MATR3: variants seen among roughly 807,000 people sequenced by gnomAD.
MATR3 encodes matrin-3.
Under a neutral mutation model 85.5 loss-of-function variants are expected in MATR3, and 4 were observed. The observed-to-expected ratio is 0.05, with a 90% CI of 0.02 to 0.11. The LOEUF (loss-of-function observed/expected upper bound fraction) is 0.11. Among genes scored for constraint, MATR3 ranks in the 10% least tolerant of loss-of-function variants. The pLI is 1.00. For synonymous variants in MATR3, 336 were observed against 343.1 expected, an observed-to-expected ratio of 0.98 and a Z score of 0.23; for missense variants, 685 against 1,016.1, an observed-to-expected ratio of 0.67 and a Z score of 4.43.
chr5:139,278,458 C>T (rs951462800), intron 2 of MATR3: 4 of 434,072 alleles, frequency 9.2e-6, no homozygotes, highest in Non-Finnish European at 1.9e-5. Flanking sequence ...TGTGCCAGGC[C>T]TGTGGGCTAG....
At chr5:139,323,965 A>G (rs1385449137) in intron 12 of MATR3, among the ~76,000 whole-genome samples, 1 of 152,000 alleles carries the variant, frequency 6.6e-6, no homozygotes. Flanking sequence ...TTTATGCAAC[A>G]TTCAACTCAA....
chr5:139,312,450 C>G (rs913029233), intron 2 of MATR3: 1 of 152,176 alleles, frequency 6.6e-6, no homozygotes, highest in Non-Finnish European at 1.5e-5. Context: ...CCATTACTTT[C>G]CAGTTGAAAC....
At chr5:139,304,710 C>T (rs1270677408) in intron 1 of MATR3, among the ~76,000 whole-genome samples, 1 of 152,074 alleles carries the variant, frequency 6.6e-6, no homozygotes, top group Non-Finnish European at 1.5e-5. Flanking sequence ...CCCAAAGCTA[C>T]TATATTTAAA....
At position 139,329,377 on chromosome 5, in the gene MATR3, A is replaced by G. The variant is rs374252881; in HGVS notation, c.2526A>G (p.Arg842=). 6.2e-7 allele frequency: 1 copy of G among 1,612,300 alleles called. No homozygotes were observed. The highest frequency in any genetic ancestry group is 8.5e-7 in the Non-Finnish European group (1 of 1,178,694). The change falls in exon 15 of 15, where the codon AGA becomes AGG. Residue 842 remains arginine, a synonymous_variant. Coordinates refer to ENST00000394805, the MANE Select transcript of MATR3 (RefSeq NM_018834.6). ...TGAATAAATTGGCAGAAGAACGCAG[A>G]CAGAAGAAGGAAACTTAAGATGTGC... ...KFLNKLAEER[R]QKKET is the part of the protein sequence containing the mutation.
At chr5:139,297,561 C>T (rs2151931690) in intron 1 of MATR3, among the ~76,000 whole-genome samples, 1 of 152,230 alleles carries the variant, frequency 6.6e-6, no homozygotes, top group South Asian at 2.1e-4. Flanking sequence ...TAACGCATTT[C>T]TATTATAATC....
chr5:139,278,850 ACT>A (rs757002054), intron 2 of MATR3: 2 of 517,106 alleles, frequency 3.9e-6, no homozygotes, highest in Non-Finnish European at 7.7e-6. Flanking sequence ...AAGAGCAAAC[ACT>A]GTCTTTATTG....
rs1756121716 is a variant in MATR3, at chr5:139,331,061, G to A, written c.*1666G>A. On this transcript the variant is annotated 3_prime_UTR_variant, in exon 15 of 15. Transcript: ENST00000394805. ...TCGCTTCAGCCTCCCAAAGTGCTGG[G>A]ACTGTAGGCATGAGCCACCATCCCT... The A allele has an allele frequency of 2.2e-6, 1 of 453,918 alleles. No homozygotes were observed. Among genetic ancestry groups the A allele is most frequent in the Non-Finnish European group, 4.4e-6 (1 of 226,782 alleles). The allele number at this position is 453,918 out of a possible 1,614,324, so 28.1% of individuals were successfully genotyped here. A position where few individuals can be genotyped will look rare whatever the true frequency, so the allele number is the denominator to read the frequency against.
In MATR3 at chr5:139,314,652, TCTA is replaced by T. The variant is rs1344719860; in HGVS notation, c.913-19_913-17del. The T allele has an allele frequency of 1.9e-6, 3 of 1,564,220 alleles. No homozygotes were observed. Among genetic ancestry groups the T allele is most frequent in the Middle Eastern group, 1.7e-4 (1 of 5,782 alleles). ...ATATTTCAGCTTTATTTTTGTTAAT[TCTA>T]CTAATTTACTTTGCTGCAGGAGTGG... On this transcript the variant is annotated intron_variant, in intron 2 of 14. Coordinates refer to ENST00000394805, the MANE Select transcript of MATR3 (RefSeq NM_018834.6).
upstream of MATR3, chr5:139,293,248 T>G (rs1465415312): frequency 2.0e-5 from 3 of 152,120 alleles, no homozygotes; most frequent in African/African-American, 7.2e-5. Flanking sequence ...CAACACAGTT[T>G]ATTTATGATA....
intron 2 of MATR3, among the ~76,000 whole-genome samples, chr5:139,309,269 C>T (rs1207154208): frequency 6.6e-6 from 1 of 152,104 alleles, no homozygotes; most frequent in Non-Finnish European, 1.5e-5. Flanking sequence ...GTTATAGCAC[C>T]CCACTAGCTT....
intron 10 of MATR3, 91 bp from the exon 11 acceptor site, chr5:139,322,372 T>C: frequency 8.3e-7 from 1 of 1,198,706 alleles, no homozygotes; most frequent in Non-Finnish European, 1.2e-6. Flanking sequence ...ATAAGCTGAG[T>C]TGATTATAGG....
chr5:139,327,449 T>G (rs1755911555), intron 14 of MATR3, among the ~76,000 whole-genome samples: 1 of 152,208 alleles, frequency 6.6e-6, no homozygotes, highest in Non-Finnish European at 1.5e-5. Context: ...TGAGACAGTT[T>G]TGCTCTTGTT....
At chr5:139,329,311 G>A (rs978842924) in intron 14 of MATR3, 34 bp from the exon 15 acceptor site, 19 of 1,508,638 alleles carry the variant, frequency 1.3e-5, no homozygotes, top group Non-Finnish European at 1.7e-5. Flanking sequence ...TTTCTCTTAG[G>A]TGACTTAATG....
chr5:139,325,216 A>C (rs1368115814), intron 12 of MATR3: 3 of 1,517,348 alleles, frequency 2.0e-6, no homozygotes, highest in Non-Finnish European at 2.6e-6. Flanking sequence ...CAAAGACGCT[A>C]TCCGTTTCCC....
In MATR3 at chr5:139,325,444, A is replaced by G. The variant is rs1755803192; in HGVS notation, c.2153A>G (p.Asp718Gly). The G allele has an allele frequency of 6.2e-7, 1 of 1,614,086 alleles. No individual in the cohort carries two copies. Among genetic ancestry groups the G allele is most frequent in the African/African-American group, 1.3e-5 (1 of 74,934 alleles). Residue 718 changes from aspartate (D) to glycine (G), a missense_variant, in exon 13 of 15, where the codon GAC (aspartate) becomes GGC (glycine). Asp to Gly is a moderately conservative substitution (Grantham distance 94). Around this residue, in one of 9 missense-constraint regions of MATR3, gnomAD observed 215 missense variants for 194.7 expected, o/e 1.10. Coordinates refer to ENST00000394805, the MANE Select transcript of MATR3 (RefSeq NM_018834.6). ...AAAKKKLKKV[D>G]KIEELDQENE... The stretch of plus-strand genomic sequence containing the variant: ...GATGGTTTGGTTGAAATTAAGGTGG[A>G]CAAGATCGAGGAACTTGATCAAGAA...
In MATR3 at chr5:139,307,449, A is replaced by T. The variant is rs1225210112; in HGVS notation, c.34A>T (p.Arg12Trp). Reference protein sequence around the residue: ...SKSFQQSSLSRDSQGHGRDLS... With the variant: ...SKSFQQSSLSWDSQGHGRDLS... ...GTCATTCCAGCAGTCATCTCTCAGTAGGGACTCACAGGGTCATGGGCGTGA... is the reference window on the plus strand; with the variant it reads ...GTCATTCCAGCAGTCATCTCTCAGTTGGGACTCACAGGGTCATGGGCGTGA... The change falls in exon 2 of 15, where the codon AGG becomes TGG. Residue 12 changes from arginine (R) to tryptophan (W), a missense_variant. Arg to Trp is a moderately radical substitution (Grantham distance 101). This residue lies in a region of MATR3 where 30 missense variants were observed against 69.5 expected (regional missense o/e 0.43). Transcript: ENST00000394805. This position sits in a 1 kb window ranked among gnomAD's most constrained non-coding sequence, Gnocchi z 4.4. 6.2e-7 allele frequency: 1 copy of T among 1,613,952 alleles called. No homozygotes were observed. Among genetic ancestry groups the T allele is most frequent in the East Asian group, 2.2e-5 (1 of 44,896 alleles).
intron 1 of MATR3, among the ~76,000 whole-genome samples, chr5:139,303,176 A>G (rs1227409204): frequency 6.6e-6 from 1 of 152,094 alleles, no homozygotes; most frequent in African/African-American, 2.4e-5. Flanking sequence ...ATCTCGGCTC[A>G]GTGCAGCCTC....
At chr5:139,299,604 G>T (rs2151938794) in intron 1 of MATR3, among the ~76,000 whole-genome samples, 1 of 152,318 alleles carries the variant, frequency 6.6e-6, no homozygotes, top group East Asian at 1.9e-4. Context: ...GATTGAGTCT[G>T]CAATGAGCCA....
intron 1 of MATR3, among the ~76,000 whole-genome samples, chr5:139,275,142 ATTTT>A (rs750841386): frequency 3.2e-4 from 13 of 40,908 alleles, no homozygotes; most frequent in African/African-American, 7.5e-4. Context: ...CGCCCGGCTA[ATTTT>A]TTTTTTTTTT....
Sources: gnomAD v4.1 joint callset for allele counts (sites outside exome capture counted in the v4.1 genomes callset) on GRCh38, gnomAD v4.1.1 for gene constraint, gnomAD v4.1.1 regional missense constraint, Gnocchi (gnomAD v3.1) non-coding constraint, MANE v1.5 for transcripts, NCBI Gene and HGNC (gene_info 2026-07-23, HGNC 2026-07-21) for gene names.